Variants in BACE2 observed in about 807,000 individuals in gnomAD.
BACE2 encodes 56 kDa aspartic-like protease.
Under a neutral mutation model 46.2 loss-of-function variants are expected in BACE2, and 17 were observed. The ratio of observed to expected loss-of-function variants is 0.37; its 90% confidence interval spans 0.25 to 0.55. The LOEUF (loss-of-function observed/expected upper bound fraction) is 0.55. Ranked by LOEUF, BACE2 falls within the 20% of genes least tolerant of loss-of-function variation. BACE2 has a pLI of 0.82. For synonymous variants in BACE2, 277 were observed against 295.9 expected, an observed-to-expected ratio of 0.94 and a Z score of 0.66; for missense variants, 595 against 698.1, an observed-to-expected ratio of 0.85 and a Z score of 1.66.
intron 1 of BACE2, chr21:41,175,805 A>G (rs995976556): frequency 1.3e-5 from 2 of 152,246 alleles, no homozygotes; most frequent in African/African-American, 4.8e-5. Flanking sequence ...AGCTGGCAGG[A>G]AAGTGGCTTC....
intron 1 of BACE2, among the ~76,000 whole-genome samples, chr21:41,222,783 G>T (rs1308779917): frequency 6.6e-6 from 1 of 152,220 alleles, no homozygotes; most frequent in African/African-American, 2.4e-5. Flanking sequence ...GAGGTGAGGG[G>T]TGGGCCGGTG....
Position 41,223,779 on chromosome 21 carries a change from G to A in BACE2, c.313-2487G>A, listed in dbSNP as rs144214652. ...TAAAAGATGACTATTAGCCAGCCAG[G>A]GAAAGGTGTTGAATAGGTAGAGCCC... On this transcript the variant is annotated intron_variant, in intron 1 of 8. Transcript: ENST00000330333. 5.9e-5 allele frequency among the ~76,000 whole-genome samples: 9 copies of A among 152,330 alleles called. No homozygotes were observed. In the East Asian group the frequency reaches 1.3e-3, roughly 23 times the overall value.
chr21:41,207,709 G>C (rs750583986), intron 1 of BACE2, among the ~76,000 whole-genome samples: 2 of 152,294 alleles, frequency 1.3e-5, no homozygotes, highest in Middle Eastern at 6.8e-3. Flanking sequence ...AATAGCCCCT[G>C]TTGCAAAGGA....
intron 1 of BACE2, among the ~76,000 whole-genome samples, chr21:41,172,970 C>G (rs1162184705): frequency 6.6e-6 from 1 of 152,190 alleles, no homozygotes; most frequent in Non-Finnish European, 1.5e-5. Context: ...CCGCATGACT[C>G]CAATCTCTCC....
At chr21:41,244,836 C>G (rs2123607177) in intron 5 of BACE2, among the ~76,000 whole-genome samples, 1 of 152,072 alleles carries the variant, frequency 6.6e-6, no homozygotes, top group African/African-American at 2.4e-5. Flanking sequence ...AATCGAATGT[C>G]CGAATGTAAA....
At chr21:41,274,676 G>A (rs1386473522) in intron 8 of BACE2, among the ~76,000 whole-genome samples, 1 of 152,084 alleles carries the variant, frequency 6.6e-6, no homozygotes, top group Non-Finnish European at 1.5e-5. Flanking sequence ...AGAAGTCACC[G>A]GGTGAATTTT....
At chr21:41,190,348 A>G (rs1985523857) in intron 1 of BACE2, among the ~76,000 whole-genome samples, 1 of 152,248 alleles carries the variant, frequency 6.6e-6, no homozygotes, top group African/African-American at 2.4e-5. Flanking sequence ...AAATACTATT[A>G]CATAAAGTTA....
rs757774185 is a variant in BACE2 at position 41,168,562 on chromosome 21, C to A, written c.299C>A (p.Thr100Asn). ...RGYYLEMLIGTPPQKLQILVD... is the reference protein window; with the variant it reads ...RGYYLEMLIGNPPQKLQILVD... ...TACTACCTGGAGATGCTGATCGGGA[C>A]CCCCCCGCAGAAGGTAGGGACCCCC... The change falls in exon 1 of 9, where the codon ACC becomes AAC. Residue 100 changes from threonine (T) to asparagine (N), a missense_variant. Coordinates refer to ENST00000330333, the MANE Select transcript of BACE2 (RefSeq NM_012105.5). The A allele has an allele frequency of 1.3e-5, 17 of 1,324,788 alleles. No individual in the cohort carries two copies. Among genetic ancestry groups the A allele is most frequent in the East Asian group, 2.8e-5 (1 of 35,452 alleles). 82.1% of individuals were successfully genotyped at this position (1,324,788 alleles called of 1,614,324 possible). A position where few individuals can be genotyped will look rare whatever the true frequency, so the allele number is the denominator to read the frequency against.
intron 1 of BACE2, among the ~76,000 whole-genome samples, chr21:41,170,215 C>CAA (rs34756203): frequency 0.021 from 3,080 of 148,284 alleles, 27 homozygotes; most frequent in Non-Finnish European, 0.027. Context: ...CTTTGGCAAT[C>CAA]AAAAAAAAAA....
intron 1 of BACE2, among the ~76,000 whole-genome samples, chr21:41,196,427 T>G (rs1473832676): frequency 6.6e-6 from 1 of 152,090 alleles, no homozygotes; most frequent in Non-Finnish European, 1.5e-5. Context: ...GTGGCACGAC[T>G]GTCATAGCAA....
rs1423329955 is a variant in BACE2, at chr21:41,236,023, G to C, written c.402-1490G>C. On this transcript the variant is annotated intron_variant, in intron 2 of 8. Coordinates refer to ENST00000330333, the MANE Select transcript of BACE2 (RefSeq NM_012105.5). ...AAACAGAGTGAAATCAAGCCTGCAG[G>C]TGAGCAGGATCGCTTTAGTATGATC... is the stretch of plus-strand genomic sequence containing the variant. 3.3e-5 allele frequency among the ~76,000 whole-genome samples: 5 copies of C among 152,198 alleles called. No homozygotes were observed. The South Asian group carries it at 1.0e-3, about 32-fold the overall frequency.
At chr21:41,261,766 T>C (rs1304026225) in intron 8 of BACE2, among the ~76,000 whole-genome samples, 2 of 152,250 alleles carry the variant, frequency 1.3e-5, no homozygotes, top group Non-Finnish European at 2.9e-5. Context: ...AGCATCCTTA[T>C]TGAATATATA....
At position 41,168,418 on chromosome 21, in the gene BACE2, C is replaced by T. The variant is rs1984460445; in HGVS notation, c.155C>T (p.Pro52Leu). The change falls in exon 1 of 9, where the codon CCT (proline) becomes CTT (leucine). Residue 52 changes from proline (P) to leucine (L), a missense_variant. Around this residue, in one of 3 missense-constraint regions of BACE2, gnomAD observed 248 missense variants for 261.4 expected, o/e 0.95. Transcript: ENST00000330333. ...GCGCCCACCCCGGGACCCGGGACCC[C>T]TGCCGAGCGCCACGCCGACGGCTTG... ...VVAPTPGPGT[P>L]AERHADGLAL... is the part of the protein sequence containing the mutation. 1 of 1,405,222 alleles carries T rather than the reference C, an allele frequency of 7.1e-7. No homozygotes were observed. The highest frequency in any genetic ancestry group is 9.3e-7 in the Non-Finnish European group (1 of 1,077,548). The allele number at this position is 1,405,222 out of a possible 1,614,324, so 87.0% of individuals were successfully genotyped here.
In BACE2 at chr21:41,279,033, T is replaced by G. The variant is rs995432814; in HGVS notation, c.*3409T>G. ...AGTAAGTTTTTTGGTTGTTGTTTTG[T>G]TTTTTTTGAAAAACGACGCAACACC... On this transcript the variant is annotated 3_prime_UTR_variant, in exon 9 of 9. Transcript: ENST00000330333. 2 of 119,158 alleles carry G rather than the reference T, an allele frequency of 1.7e-5. No individual in the cohort carries two copies. The highest frequency in any genetic ancestry group is 8.9e-5 in the African/African-American group (2 of 22,496). 7.4% of individuals were successfully genotyped at this position (119,158 alleles called of 1,614,324 possible).
At chr21:41,266,900 G>T (rs1194527667) in intron 8 of BACE2, among the ~76,000 whole-genome samples, 1 of 152,062 alleles carries the variant, frequency 6.6e-6, no homozygotes, top group Non-Finnish European at 1.5e-5. Flanking sequence ...ACCAGTCACT[G>T]TTTGAGGACC....
chr21:41,177,663 C>A (rs944062329), intron 1 of BACE2: 1 of 152,178 alleles, frequency 6.6e-6, no homozygotes, highest in African/African-American at 2.4e-5. Flanking sequence ...CCTCGCGCAG[C>A]GTCAGCCGTG....
At position 41,276,033 on chromosome 21, in the gene BACE2, T is replaced by G. The variant is rs181911271; in HGVS notation, c.*409T>G. 6.5e-3 allele frequency: 1,153 copies of G among 176,478 alleles called. 15 individuals carry two copies. The highest frequency in any genetic ancestry group is 0.025 in the African/African-American group (1,058 of 42,056). The allele number at this position is 176,478 out of a possible 1,614,324, so 10.9% of individuals were successfully genotyped here. ...TTAGCTTACAGGAAGCTTTTTGTAT[T>G]AATTGCCTTTGAGGTTATTTTCCGC... On this transcript the variant is annotated 3_prime_UTR_variant, in exon 9 of 9. Coordinates refer to ENST00000330333, the MANE Select transcript of BACE2 (RefSeq NM_012105.5).
chr21:41,221,582 T>C (rs1986648625), intron 1 of BACE2, among the ~76,000 whole-genome samples: 1 of 152,018 alleles, frequency 6.6e-6, no homozygotes, highest in Non-Finnish European at 1.5e-5. Flanking sequence ...TCCCAGCACT[T>C]TGGGAGGCCG....
intron 1 of BACE2, among the ~76,000 whole-genome samples, chr21:41,209,147 C>G (rs531626792): frequency 3.0e-4 from 46 of 152,366 alleles, no homozygotes; most frequent in African/African-American, 1.0e-3. Context: ...GTGCACACCA[C>G]TGCCGGTCTG....
Sources: allele counts gnomAD v4.1 joint callset (sites outside exome capture counted in the v4.1 genomes callset), GRCh38; gene constraint gnomAD v4.1.1; regional missense constraint gnomAD v4.1.1; transcripts MANE v1.5; gene names NCBI Gene and HGNC (gene_info 2026-07-23, HGNC 2026-07-21).